The following HACL2 variants were observed in gnomAD, a reference collection of about 807,000 sequenced individuals.
The protein encoded by HACL2 is 2-hydroxyacyl-CoA lyase 2.
At chr19:15,116,050 AC>A in the HACL2 span, 1 of 1,613,900 alleles carries the variant, frequency 6.2e-7, no homozygotes, top group Non-Finnish European at 8.5e-7. Context: ...TCCTGCACCA[AC>A]TCCCAGAGTC....
At chr19:15,115,758 C>G in the HACL2 span, 1 of 1,568,910 alleles carries the variant, frequency 6.4e-7, no homozygotes, top group East Asian at 2.2e-5. Flanking sequence ...GGGCCTCTGC[C>G]AGAGAGGAGG....
the HACL2 span, among the ~76,000 whole-genome samples, chr19:15,120,781 C>A: frequency 3.9e-5 from 6 of 152,106 alleles, no homozygotes; most frequent in African/African-American, 1.2e-4. Flanking sequence ...CAGAAGCAGC[C>A]CAGGATGGAA....
chr19:15,122,957 C>T, the HACL2 span: 29 of 1,604,228 alleles, frequency 1.8e-5, no homozygotes, highest in Admixed American at 1.7e-4. The surrounding 1 kb of genome is among the most constrained non-coding windows in gnomAD (Gnocchi z 4.0). Flanking sequence ...CCGCACCCTC[C>T]GCACAGACAC....
At chr19:15,116,118 G>T in the HACL2 span, 1 of 1,613,254 alleles carries the variant, frequency 6.2e-7, no homozygotes, top group Non-Finnish European at 8.5e-7. Flanking sequence ...CTGATGGATG[G>T]TGCCCACTGC....
At chr19:15,117,856 T>A in the HACL2 span, 1 of 1,613,610 alleles carries the variant, frequency 6.2e-7, no homozygotes, top group Non-Finnish European at 8.5e-7. Flanking sequence ...AGCACATATG[T>A]GTACGGGGGG....
At chr19:15,123,212 G>T in the HACL2 span, 3 of 1,613,900 alleles carry the variant, frequency 1.9e-6, no homozygotes, top group Non-Finnish European at 2.5e-6. The surrounding 1 kb of genome is among the most constrained non-coding windows in gnomAD (Gnocchi z 5.1). Flanking sequence ...TGAGGCCAGG[G>T]CCTGCTGTCA....
chr19:15,115,230 A>G, the HACL2 span: 5 of 1,613,792 alleles, frequency 3.1e-6, no homozygotes, highest in Non-Finnish European at 4.2e-6. Flanking sequence ...GAAGGCAGCC[A>G]AGCGTCCTGA....
chr19:15,116,410 A>T, the HACL2 span: 3 of 1,613,958 alleles, frequency 1.9e-6, no homozygotes, highest in Admixed American at 1.7e-5. Context: ...GGCCCCACCG[A>T]AAGGTCTGCT....
At chr19:15,120,351 T>C in the HACL2 span, among the ~76,000 whole-genome samples, 1 of 152,170 alleles carries the variant, frequency 6.6e-6, no homozygotes, top group African/African-American at 2.4e-5. Flanking sequence ...ATTAAGCCTG[T>C]GGGTCCAACA....
At chr19:15,122,623 G>T in the HACL2 span, 2 of 1,267,198 alleles carry the variant, frequency 1.6e-6, no homozygotes, top group Non-Finnish European at 1.1e-6. This position sits in a 1 kb window ranked among gnomAD's most constrained non-coding sequence, Gnocchi z 4.0. Flanking sequence ...AAAGGAGGAT[G>T]GGTGTGGGCT....
the HACL2 span, chr19:15,115,442 G>C: frequency 6.2e-7 from 1 of 1,611,758 alleles, no homozygotes; most frequent in Admixed American, 1.7e-5. Context: ...TAAAAGAAGA[G>C]ATTAAGTCGG....
At chr19:15,115,157 T>A in the HACL2 span, 2 of 1,438,854 alleles carry the variant, frequency 1.4e-6, no homozygotes, top group Non-Finnish European at 2.0e-6. Flanking sequence ...CTGGGCCTCA[T>A]GGGATAGGCC....
chr19:15,124,798 T>C, the HACL2 span: 1 of 1,265,982 alleles, frequency 7.9e-7, no homozygotes, highest in Non-Finnish European at 1.1e-6. Context: ...CAGAACCTCT[T>C]ACCAGTCCCT....
chr19:15,119,551 T>C, the HACL2 span: 1 of 1,548,216 alleles, frequency 6.5e-7, no homozygotes, highest in East Asian at 2.3e-5. Flanking sequence ...GGCTGTCTTT[T>C]TATTTATTTA....
At chr19:15,123,861 C>T in the HACL2 span, 1 of 488,658 alleles carries the variant, frequency 2.0e-6, no homozygotes. The surrounding 1 kb of genome is among the most constrained non-coding windows in gnomAD (Gnocchi z 5.1). Context: ...AAGTGCCCCA[C>T]TGTTACACTG....
At chr19:15,116,469 A>T in the HACL2 span, 1 of 1,613,838 alleles carries the variant, frequency 6.2e-7, no homozygotes, top group Non-Finnish European at 8.5e-7. Context: ...TCTGGGGCCC[A>T]GGTCTGGCCC....
At chr19:15,125,133 G>A in the HACL2 span, 1 of 1,406,462 alleles carries the variant, frequency 7.1e-7, no homozygotes, top group Admixed American at 2.7e-5. Flanking sequence ...AAGAAATCGC[G>A]CCCCTTCTCG....
At chr19:15,124,637 G>A in the HACL2 span, 1 of 468,646 alleles carries the variant, frequency 2.1e-6, no homozygotes, top group East Asian at 4.2e-5. Context: ...GGAGCACAGA[G>A]TGCTGTCCAT....
chr19:15,122,989 G>C, the HACL2 span: 1 of 1,603,404 alleles, frequency 6.2e-7, no homozygotes, highest in Non-Finnish European at 8.5e-7. This position sits in a 1 kb window ranked among gnomAD's most constrained non-coding sequence, Gnocchi z 4.0. Context: ...AGAGTGGCCG[G>C]AAAAGGGACA....
Sources: allele counts gnomAD v4.1 joint callset (sites outside exome capture counted in the v4.1 genomes callset), GRCh38; gene constraint gnomAD v4.1.1; non-coding constraint Gnocchi (gnomAD v3.1); transcripts MANE v1.5; gene names NCBI Gene and HGNC (gene_info 2026-07-23, HGNC 2026-07-21).